The following WWOX variants were observed in gnomAD, a reference collection of about 807,000 sequenced individuals.
WWOX encodes the protein WW domain-containing oxidoreductase.
WWOX carries 69 observed loss-of-function variants against 46.2 expected under a neutral mutation model. That is an observed-to-expected ratio of 1.49 (90% CI 1.23 to 1.82). WWOX has a LOEUF of 1.82. Among genes scored for constraint, WWOX ranks in the 40% most tolerant of loss-of-function variants. The pLI, the probability that WWOX is intolerant of heterozygous loss-of-function variation, is 0.00. For synonymous variants in WWOX, 359 were observed against 202.6 expected, an observed-to-expected ratio of 1.77 and a Z score of -6.56; for missense variants, 919 against 542.6, an observed-to-expected ratio of 1.69 and a Z score of -6.89.
intron 8 of WWOX, among the ~76,000 whole-genome samples, chr16:79,034,852 G>C (rs2047835282): frequency 6.6e-6 from 1 of 152,072 alleles, no homozygotes; most frequent in Non-Finnish European, 1.5e-5. Context: ...ATTAGGCTAA[G>C]TATGGTCTTT....
At chr16:78,847,936 C>T (rs530393047) in intron 8 of WWOX, among the ~76,000 whole-genome samples, 13 of 152,164 alleles carry the variant, frequency 8.5e-5, no homozygotes, top group Non-Finnish European at 1.3e-4. Flanking sequence ...GTGACCACTG[C>T]ACGAACAACC....
chr16:79,027,621 T>A (rs1008204873), intron 8 of WWOX, among the ~76,000 whole-genome samples: 1 of 151,876 alleles, frequency 6.6e-6, no homozygotes, highest in Non-Finnish European at 1.5e-5. Context: ...TCTCTTCCTT[T>A]CCTATCGTGA....
chr16:78,118,019 G>T (rs2151678792), intron 4 of WWOX, among the ~76,000 whole-genome samples: 1 of 150,660 alleles, frequency 6.6e-6, no homozygotes, highest in South Asian at 2.1e-4. Context: ...AGTATTTCCA[G>T]TGGTTCTTTC....
chr16:78,278,784 C>G (rs1179234621), intron 5 of WWOX: 3 of 850,664 alleles, frequency 3.5e-6, no homozygotes, highest in Non-Finnish European at 5.6e-6. Flanking sequence ...CGATTTGCAA[C>G]AACATCTATT....
chr16:78,867,014 A>G (rs1394381269), intron 8 of WWOX, among the ~76,000 whole-genome samples: 1 of 152,214 alleles, frequency 6.6e-6, no homozygotes, highest in East Asian at 1.9e-4. Context: ...CTCCTATTGC[A>G]GGCTGGGTCT....
intron 8 of WWOX, among the ~76,000 whole-genome samples, chr16:78,888,394 G>C (rs142063201): frequency 0.013 from 2,005 of 152,262 alleles, 27 homozygotes; most frequent in Middle Eastern, 0.024. Context: ...TTGGGTCCCT[G>C]TTGTTCCAGG....
chr16:78,310,769 A>T (rs1436092877), intron 5 of WWOX, among the ~76,000 whole-genome samples: 1 of 152,194 alleles, frequency 6.6e-6, no homozygotes, highest in African/African-American at 2.4e-5. Flanking sequence ...TTGCTCTCAC[A>T]GCTGTGTCAG....
intron 8 of WWOX, among the ~76,000 whole-genome samples, chr16:78,629,893 T>C (rs1317967923): frequency 1.3e-5 from 2 of 152,232 alleles, no homozygotes; most frequent in South Asian, 2.1e-4. Context: ...ATCTAAGAAG[T>C]AGATTTTTAG....
intron 8 of WWOX, among the ~76,000 whole-genome samples, chr16:78,860,278 A>G (rs1048299340): frequency 6.6e-6 from 1 of 152,236 alleles, no homozygotes; most frequent in Non-Finnish European, 1.5e-5. Context: ...GTGAATCAGT[A>G]AATGGATGGA....
chr16:78,417,359 C>T (rs1400123814), intron 6 of WWOX, among the ~76,000 whole-genome samples: 1 of 152,122 alleles, frequency 6.6e-6, no homozygotes, highest in African/African-American at 2.4e-5. Flanking sequence ...TCCCACTGTG[C>T]TGAGATTACA....
intron 4 of WWOX, among the ~76,000 whole-genome samples, chr16:78,128,454 C>G (rs1455520522): frequency 6.6e-6 from 1 of 152,158 alleles, no homozygotes; most frequent in Non-Finnish European, 1.5e-5. Flanking sequence ...GTTGAGATTA[C>G]ACAGGTGGAA....
intron 8 of WWOX, among the ~76,000 whole-genome samples, chr16:79,113,663 G>C (rs2049458429): frequency 6.6e-6 from 1 of 152,198 alleles, no homozygotes; most frequent in African/African-American, 2.4e-5. Flanking sequence ...GCACTAAACT[G>C]CTCTCAGCAG....
chr16:78,738,665 C>T (rs750427633), intron 8 of WWOX, among the ~76,000 whole-genome samples: 5 of 152,234 alleles, frequency 3.3e-5, no homozygotes, highest in East Asian at 1.9e-4. Context: ...TTTCCTTGAT[C>T]GCATTTGCTT....
intron 8 of WWOX, among the ~76,000 whole-genome samples, chr16:79,210,049 T>C (rs114814999): frequency 2.6e-5 from 4 of 152,306 alleles, no homozygotes; most frequent in African/African-American, 4.8e-5. Context: ...ATGTCAGTTA[T>C]TCAAATTCAG....
intron 8 of WWOX, among the ~76,000 whole-genome samples, chr16:78,650,459 C>G (rs1419674529): frequency 6.6e-6 from 1 of 152,162 alleles, no homozygotes; most frequent in Non-Finnish European, 1.5e-5. Context: ...GGCTGTCCAC[C>G]ATGACATCAG....
chr16:79,108,945 C>G (rs540841026), intron 8 of WWOX, among the ~76,000 whole-genome samples: 3 of 151,078 alleles, frequency 2.0e-5, no homozygotes, highest in African/African-American at 7.3e-5. Context: ...TCGCCATAAT[C>G]TTGTGTGAAA....
At chr16:78,914,035 G>C (rs562025902) in intron 8 of WWOX, among the ~76,000 whole-genome samples, 132 of 152,180 alleles carry the variant, frequency 8.7e-4, no homozygotes, top group African/African-American at 3.0e-3. Flanking sequence ...GATCATCAGA[G>C]ATGAAAATGA....
chr16:78,433,106 T>C (rs58686702), intron 8 of WWOX, among the ~76,000 whole-genome samples: 185 of 152,350 alleles, frequency 1.2e-3, no homozygotes, highest in African/African-American at 4.4e-3. Context: ...TGAAAACTGC[T>C]GTTTTGTGTC....
chr16:78,223,077 G>A (rs888995011), intron 5 of WWOX, among the ~76,000 whole-genome samples: 9 of 152,134 alleles, frequency 5.9e-5, no homozygotes, highest in Non-Finnish European at 1.0e-4. Flanking sequence ...GTGTCCTTGC[G>A]GTGATCATTT....
Sources: allele counts gnomAD v4.1 joint callset (sites outside exome capture counted in the v4.1 genomes callset), GRCh38; gene constraint gnomAD v4.1.1; transcripts MANE v1.5; gene names NCBI Gene and HGNC (gene_info 2026-07-23, HGNC 2026-07-21).